Variants in PPP2R2B observed in about 807,000 individuals in gnomAD.
The protein encoded by PPP2R2B is serine/threonine-protein phosphatase 2A 55 kDa regulatory subunit B beta isoform.
Under a neutral mutation model 46.0 loss-of-function variants are expected in PPP2R2B, and 5 were observed. The ratio of observed to expected loss-of-function variants is 0.11; its 90% CI spans 0.06 to 0.23. PPP2R2B has a LOEUF of 0.23. Among genes scored for constraint, PPP2R2B ranks in the 10% least tolerant of loss-of-function variants. The pLI is 1.00. For missense variants in PPP2R2B, 367 were observed against 575.0 expected (o/e 0.64, Z 3.70); for synonymous variants, 215 against 206.7 (o/e 1.04, Z -0.34).
chr5:146,589,725 C>CAGCTTTCAATTCTAAACAGAA lies in PPP2R2B; in HGVS notation c.*201_*221dup. On this transcript the variant is annotated 3_prime_UTR_variant, in exon 10 of 10. Coordinates refer to ENST00000394411, the MANE Select transcript of PPP2R2B (RefSeq NM_181675.4). The stretch of plus-strand genomic sequence containing the variant: ...CTATGGAAGAATTACTGTTAGCTGG[C>CAGCTTTCAATTCTAAACAGAA]AGCTTTCAATTCTAAACAGAAGTGT... The CAGCTTTCAATTCTAAACAGAA allele has an allele frequency of 7.7e-6, 4 of 522,718 alleles. No homozygotes were observed. Among genetic ancestry groups the CAGCTTTCAATTCTAAACAGAA allele is most frequent in the Non-Finnish European group, 1.3e-5 (4 of 297,258 alleles). 32.4% of individuals were successfully genotyped at this position (522,718 alleles called of 1,614,324 possible).
At chr5:147,005,466 G>A (rs528223065) in intron 1 of PPP2R2B, among the ~76,000 whole-genome samples, 70 of 152,294 alleles carry the variant, frequency 4.6e-4, no homozygotes, top group Non-Finnish European at 8.5e-4. Context: ...GCTGCAATAT[G>A]GAAAGAAAGG....
chr5:147,008,110 C>T (rs10477317), intron 1 of PPP2R2B, among the ~76,000 whole-genome samples: 2,482 of 152,250 alleles, frequency 0.016, 74 homozygotes, highest in African/African-American at 0.057. Context: ...AAGGATCACT[C>T]CCATTTATGT....
intron 1 of PPP2R2B, among the ~76,000 whole-genome samples, chr5:147,030,241 G>A (rs1422340688): frequency 3.3e-5 from 5 of 152,048 alleles, no homozygotes; most frequent in Non-Finnish European, 7.4e-5. Flanking sequence ...TTGATGTTAT[G>A]TTGCTCTTAT....
Position 146,713,462 on chromosome 5 carries a change from G to A in PPP2R2B, c.71-12320C>T, listed in dbSNP as rs144541705. Among the ~76,000 whole-genome samples, 618 of 152,276 alleles carry A rather than the reference G, an allele frequency of 4.1e-3. 4 individuals are homozygous for A. The highest frequency in any genetic ancestry group is 6.7e-3 in the Non-Finnish European group (454 of 68,024). ...GTTAAAATGGTAAAGCTTATGTTAC[G>A]TACATTTTACAACAAAAAAGTGAAA... On this transcript the variant is annotated intron_variant, in intron 2 of 9. Transcript: ENST00000394411.
chr5:146,608,457 C>G (rs1772517303), intron 7 of PPP2R2B, among the ~76,000 whole-genome samples: 1 of 152,122 alleles, frequency 6.6e-6, no homozygotes, highest in Admixed American at 6.6e-5. Context: ...ACATCAATAT[C>G]TTATTTGCCT....
At chr5:147,078,158 G>A (rs1757847549) in intron 2 of PPP2R2B, among the ~76,000 whole-genome samples, 1 of 152,062 alleles carries the variant, frequency 6.6e-6, no homozygotes. Flanking sequence ...CCTGTCATAA[G>A]GTTTTGGTGA....
chr5:146,714,532 G>C (rs1460024420), intron 2 of PPP2R2B, among the ~76,000 whole-genome samples: 1 of 152,038 alleles, frequency 6.6e-6, no homozygotes, highest in Admixed American at 6.6e-5. Flanking sequence ...GAAGAAGAAA[G>C]AAGGTGGAAT....
chr5:146,730,953 G>A (rs189083033), intron 2 of PPP2R2B, among the ~76,000 whole-genome samples: 415 of 152,246 alleles, frequency 2.7e-3, no homozygotes, highest in African/African-American at 9.0e-3. Context: ...AGAAGAAACC[G>A]ATGAGGCCTT....
intron 1 of PPP2R2B, among the ~76,000 whole-genome samples, chr5:146,886,200 G>A (rs319200): frequency 0.46 from 69,593 of 151,360 alleles, 17,006 homozygotes; most frequent in East Asian, 0.7. Context: ...TTAGCCGGGC[G>A]TGGTGGCGGG....
rs1770013797 is a variant in PPP2R2B, at chr5:146,583,912, T to C, written c.*6035A>G. 6.6e-6 allele frequency: 1 copy of C among 152,226 alleles called. No individual in the cohort carries two copies. The highest frequency in any genetic ancestry group is 2.4e-5 in the African/African-American group (1 of 41,464). The allele number at this position is 152,226 out of a possible 1,614,324, so 9.4% of individuals were successfully genotyped here. On this transcript the variant is annotated 3_prime_UTR_variant, in exon 10 of 10. Coordinates refer to ENST00000394411, the MANE Select transcript of PPP2R2B (RefSeq NM_181675.4). ...CAAGAATCACAGCAATCATGGCTTG[T>C]TCCTACAATTTCTGGGTTTCTGTCA...
At chr5:146,977,253 G>T (rs774670729) in intron 1 of PPP2R2B, among the ~76,000 whole-genome samples, 1 of 151,704 alleles carries the variant, frequency 6.6e-6, no homozygotes, top group Non-Finnish European at 1.5e-5. Context: ...TTAGAATTGC[G>T]ATCTTGTTCT....
At position 146,706,534 on chromosome 5, in the gene PPP2R2B, A is replaced by C. The variant is rs905994684; in HGVS notation, c.71-5392T>G. On this transcript the variant is annotated intron_variant, in intron 2 of 9. Transcript: ENST00000394411. ...GCACGCAGCTGCCGCGCCATGTCCTACTTGGTCTGCTGAAGGGCGGCCTCC... is the reference window on the plus strand; with the variant it reads ...GCACGCAGCTGCCGCGCCATGTCCTCCTTGGTCTGCTGAAGGGCGGCCTCC... 3.5e-6 allele frequency: 4 copies of C among 1,150,980 alleles called. No homozygotes were observed. In the Admixed American group the frequency reaches 5.2e-5, roughly 15 times the overall value. 71.3% of individuals were successfully genotyped at this position (1,150,980 alleles called of 1,614,324 possible). A position where few individuals can be genotyped will look rare whatever the true frequency, so the allele number is the denominator to read the frequency against.
intron 7 of PPP2R2B, among the ~76,000 whole-genome samples, chr5:146,634,357 T>C (rs1329200059): frequency 1.3e-5 from 2 of 152,030 alleles, no homozygotes; most frequent in African/African-American, 4.8e-5. Flanking sequence ...TTTTTTGAGA[T>C]AGAGTCTTGC....
chr5:147,041,919 C>T (rs768722011), intron 1 of PPP2R2B, among the ~76,000 whole-genome samples: 1 of 152,096 alleles, frequency 6.6e-6, no homozygotes. Flanking sequence ...AATTGACCCT[C>T]CCTTAGCTAA....
chr5:146,648,472 C>A (rs143561593), intron 6 of PPP2R2B, among the ~76,000 whole-genome samples: 3 of 152,096 alleles, frequency 2.0e-5, no homozygotes, highest in African/African-American at 7.2e-5. Context: ...TACTGGATAG[C>A]GCTACTTTGA....
chr5:147,055,602 G>A (rs1178799975), intron 1 of PPP2R2B: 4 of 1,427,834 alleles, frequency 2.8e-6, no homozygotes, highest in Non-Finnish European at 3.9e-6. Flanking sequence ...CAGAACCCGT[G>A]GGAAGTCAGA....
chr5:146,790,685 G>A lies in PPP2R2B; in HGVS notation c.70+87317C>T, dbSNP rs138757938. On this transcript the variant is annotated intron_variant, in intron 2 of 9. Coordinates refer to ENST00000394411, the MANE Select transcript of PPP2R2B (RefSeq NM_181675.4). ...AGCATTGCCTAATATCCCTCCCAAG[G>A]ATAAATCCACCTGTGATAAACCTCA... Among the ~76,000 whole-genome samples, 318 of 152,274 alleles carry A rather than the reference G, an allele frequency of 2.1e-3. 1 individual carries two copies. Among genetic ancestry groups the A allele is most frequent in the African/African-American group, 7.3e-3 (304 of 41,562 alleles).
At chr5:146,978,910 T>A (rs1753038273) in intron 1 of PPP2R2B, among the ~76,000 whole-genome samples, 1 of 152,196 alleles carries the variant, frequency 6.6e-6, no homozygotes, top group South Asian at 2.1e-4. Context: ...ATTAACTTCA[T>A]CCCTGTAAAG....
intron 1 of PPP2R2B, among the ~76,000 whole-genome samples, chr5:146,949,014 C>G (rs1243896159): frequency 1.3e-5 from 2 of 152,042 alleles, no homozygotes; most frequent in African/African-American, 2.4e-5. Context: ...GTACTTGTAA[C>G]AGAACTTCAT....
Sources: gnomAD v4.1 joint callset for allele counts (sites outside exome capture counted in the v4.1 genomes callset) on GRCh38, gnomAD v4.1.1 for gene constraint, MANE v1.5 for transcripts, NCBI Gene and HGNC (gene_info 2026-07-23, HGNC 2026-07-21) for gene names.